Variants in USH2A observed in about 807,000 individuals in gnomAD.
USH2A encodes usherin.
Under a neutral mutation model 538.9 loss-of-function variants are expected in USH2A, and 443 were observed. That is an observed-to-expected ratio of 0.82 (90% CI 0.76 to 0.89). The LOEUF is 0.89. Among genes scored for constraint, USH2A ranks in the 40% least tolerant of loss-of-function variants. USH2A has a pLI of 0.00. For synonymous variants in USH2A, 2,413 were observed against 2,273.5 expected (o/e 1.06, Z -1.75); for missense variants, 6,633 against 6,324.8 (o/e 1.05, Z -1.65).
intron 37 of USH2A, among the ~76,000 whole-genome samples, chr1:215,950,986 A>G (rs1240625216): frequency 6.6e-6 from 1 of 152,074 alleles, no homozygotes; most frequent in Non-Finnish European, 1.5e-5. Context: ...AATTTTGTTG[A>G]TCTTTTCAAG....
At chr1:215,964,319 C>T (rs1667277075) in intron 37 of USH2A, among the ~76,000 whole-genome samples, 1 of 152,136 alleles carries the variant, frequency 6.6e-6, no homozygotes, top group African/African-American at 2.4e-5. Flanking sequence ...AAAAAAGGGA[C>T]ACACCAATCT....
At chr1:216,252,021 T>C (rs1388501754) in intron 11 of USH2A, among the ~76,000 whole-genome samples, 1 of 152,232 alleles carries the variant, frequency 6.6e-6, no homozygotes, top group East Asian at 1.9e-4. Flanking sequence ...ATTTATATTG[T>C]GATAAGAAAT....
intron 14 of USH2A, among the ~76,000 whole-genome samples, chr1:216,224,408 A>AT (rs1019050021): frequency 4.0e-5 from 6 of 151,808 alleles, no homozygotes; most frequent in Admixed American, 1.3e-4. Flanking sequence ...CAGTGGGCAG[A>AT]TTTTTTTTGC....
chr1:215,923,117 G>A (rs1299663398), intron 38 of USH2A, among the ~76,000 whole-genome samples: 3 of 152,126 alleles, frequency 2.0e-5, no homozygotes, highest in South Asian at 4.1e-4. Flanking sequence ...AGGAAGTGAT[G>A]AGACTTCTCT....
intron 32 of USH2A, among the ~76,000 whole-genome samples, chr1:216,002,375 A>G (rs1386934943): frequency 6.6e-6 from 1 of 151,932 alleles, no homozygotes; most frequent in African/African-American, 2.4e-5. Context: ...CATTGTTCTC[A>G]TCTGTCTGAA....
chr1:216,246,920 T>C lies in USH2A; in HGVS notation c.2474A>G (p.Gln825Arg). The C allele has an allele frequency of 6.2e-7, 1 of 1,614,192 alleles. No homozygotes were observed. Among genetic ancestry groups the C allele is most frequent in the Non-Finnish European group, 8.5e-7 (1 of 1,180,002 alleles). The change falls in exon 13 of 72, where the codon CAG becomes CGG. Residue 825 changes from glutamine to arginine, a missense_variant. Gln to Arg is a conservative substitution (Grantham distance 43). Transcript: ENST00000307340. ...GTTTCCCTCCAAACATTTATTGCAC[T>C]GTCTCCCTTCAACATTGGGCTTGCA... ...CICKPNVEGR[Q>R]CNKCLEGNFY...
At chr1:215,648,382 T>TC in intron 66 of USH2A, 146 bp downstream of exon 66, 1 of 816,150 alleles carries the variant, frequency 1.2e-6, no homozygotes, top group Non-Finnish European at 2.1e-6. Flanking sequence ...TTGCTATAGA[T>TC]ATCTGTTCAA....
At chr1:215,710,478 A>G (rs1219226506) in intron 61 of USH2A, among the ~76,000 whole-genome samples, 2 of 152,134 alleles carry the variant, frequency 1.3e-5, no homozygotes, top group South Asian at 2.1e-4. Context: ...ACTCTTTCTT[A>G]TGTACATCTC....
At chr1:215,751,251 A>T (rs1218919567) in intron 58 of USH2A, among the ~76,000 whole-genome samples, 3 of 152,148 alleles carry the variant, frequency 2.0e-5, no homozygotes, top group Non-Finnish European at 4.4e-5. Context: ...AAATAAAAAA[A>T]TTTGTATTTC....
intron 34 of USH2A, among the ~76,000 whole-genome samples, chr1:215,996,592 T>C (rs2102480029): frequency 1.3e-5 from 1 of 78,268 alleles, no homozygotes; most frequent in South Asian, 4.6e-4. Context: ...TTTTTTTTTT[T>C]TTTGCAGTGG....
At position 216,175,434 on chromosome 1, in the gene USH2A, G is replaced by A. The variant is rs200790812; in HGVS notation, c.4445C>T (p.Thr1482Ile). The A allele has an allele frequency of 8.2e-5, 133 of 1,613,788 alleles. No homozygotes were observed. Among genetic ancestry groups the A allele is most frequent in the Non-Finnish European group, 1.1e-4 (126 of 1,179,860 alleles). The change falls in exon 21 of 72, where the codon ACA (threonine) becomes ATA (isoleucine). Residue 1482 changes from threonine to isoleucine, a missense_variant. Coordinates refer to ENST00000307340, the MANE Select transcript of USH2A (RefSeq NM_206933.4). ...AGGTGGAAACCACCTAAGATGGATT[G>A]TTGTGCTGTTGATTCCTTTAACCAG... Reference protein sequence around the residue: ...PPLVKGINSTTIHLRWFPPEE... With the variant: ...PPLVKGINSTIIHLRWFPPEE...
chr1:215,724,017 A>G (rs963498885), intron 61 of USH2A, among the ~76,000 whole-genome samples: 1 of 152,198 alleles, frequency 6.6e-6, no homozygotes, highest in African/African-American at 2.4e-5. Flanking sequence ...ACAATAGCAA[A>G]GATATTGAAT....
At chr1:215,953,563 C>G (rs1666987233) in intron 37 of USH2A, among the ~76,000 whole-genome samples, 1 of 152,010 alleles carries the variant, frequency 6.6e-6, no homozygotes, top group South Asian at 2.1e-4. Flanking sequence ...AAAATCAATT[C>G]AAGATGGATT....
Position 215,779,974 on chromosome 1 carries a change from G to A in USH2A, c.10808C>T (p.Ala3603Val), listed in dbSNP as rs753430531. 10 of 1,614,140 alleles carry A rather than the reference G, an allele frequency of 6.2e-6. No individual in the cohort carries two copies. The highest frequency in any genetic ancestry group is 8.5e-6 in the Non-Finnish European group (10 of 1,180,032). ...ILPPSITALS[A>V]VALHLSWSVP... ...ACTCCAGCTCAGATGCAGAGCCACT[G>A]CACTTAGGGCTGTGATGCTTGGTGG... Residue 3603 changes from alanine (A) to valine (V), a missense_variant, in exon 55 of 72, where the codon GCA becomes GTA. Physicochemically the swap from Ala to Val is moderately conservative, Grantham distance 64 (BLOSUM62 0). Transcript: ENST00000307340.
At chr1:215,787,209 T>C (rs1163522450) in intron 51 of USH2A, among the ~76,000 whole-genome samples, 1 of 152,184 alleles carries the variant, frequency 6.6e-6, no homozygotes, top group African/African-American at 2.4e-5. Flanking sequence ...ACTCAAATCA[T>C]ATAATTTACC....
chr1:216,006,605 G>T (rs1454889989), intron 32 of USH2A, among the ~76,000 whole-genome samples: 1 of 152,156 alleles, frequency 6.6e-6, no homozygotes, highest in African/African-American at 2.4e-5. Flanking sequence ...TTTCCAGTTT[G>T]AACTGGGCTT....
intron 47 of USH2A, among the ~76,000 whole-genome samples, chr1:215,826,391 C>T (rs11120650): frequency 0.034 from 5,203 of 152,172 alleles, 100 homozygotes; most frequent in African/African-American, 0.05. Flanking sequence ...GCATCACTTG[C>T]CAATGGAGAG....
intron 13 of USH2A, among the ~76,000 whole-genome samples, chr1:216,244,137 A>G (rs924631997): frequency 2.0e-5 from 3 of 152,208 alleles, no homozygotes; most frequent in Non-Finnish European, 2.9e-5. Flanking sequence ...AAAACTAGTC[A>G]GAGGATGCCA....
intron 52 of USH2A, among the ~76,000 whole-genome samples, chr1:215,785,721 T>A (rs1011065670): frequency 1.3e-5 from 2 of 152,196 alleles, no homozygotes; most frequent in South Asian, 2.1e-4. Flanking sequence ...CTTATCTCTG[T>A]TCCTTTCTTC....
Sources: allele counts gnomAD v4.1 joint callset (sites outside exome capture counted in the v4.1 genomes callset), GRCh38; gene constraint gnomAD v4.1.1; transcripts MANE v1.5; gene names NCBI Gene and HGNC (gene_info 2026-07-23, HGNC 2026-07-21).